ADCY5: variants seen among roughly 807,000 people sequenced by gnomAD.
The protein encoded by ADCY5 is adenylate cyclase type 5.
A neutral mutation model predicts 119.7 loss-of-function variants in ADCY5; 30 were observed. The observed-to-expected ratio is 0.25, with a 90% confidence interval of 0.19 to 0.34. ADCY5 has a LOEUF of 0.34. Ranked by LOEUF, ADCY5 falls within the 10% of genes least tolerant of loss-of-function variation. ADCY5 has a pLI of 1.00. For synonymous variants in ADCY5, 753 were observed against 762.2 expected (o/e 0.99, Z 0.20); for missense variants, 1,324 against 1,775.2 (o/e 0.75, Z 4.57).
chr3:123,345,769 G>GACAGACAGACACACACACACAC (rs57198270), intron 3 of ADCY5, among the ~76,000 whole-genome samples: 130 of 113,822 alleles, frequency 1.1e-3, no homozygotes, highest in East Asian at 9.4e-3. Flanking sequence ...CAGACAGACA[G>GACAGACAGACACACACACACAC]ACACACACAC....
chr3:123,440,582 A>C, intron 1 of ADCY5, among the ~76,000 whole-genome samples: 1 of 149,380 alleles, frequency 6.7e-6, no homozygotes, highest in African/African-American at 2.5e-5. Context: ...TTTAAGGCAC[A>C]CTCCCCTTCC....
rs1321802625 is a variant in ADCY5, at chr3:123,448,659, G to A, written c.-114C>T. 5 of 992,104 alleles carry A rather than the reference G, an allele frequency of 5.0e-6. No homozygotes were observed. The highest frequency in any genetic ancestry group is 5.2e-6 in the Non-Finnish European group (4 of 768,006). The allele number at this position is 992,104 out of a possible 1,614,324, so 61.5% of individuals were successfully genotyped here. ...ACCAGGCTAGGGTCACACGTCGGGG[G>A]CGGCCCGGGGCCCTGCGCTGCAGCG... On this transcript the variant is annotated 5_prime_UTR_variant, in exon 1 of 21. Coordinates refer to ENST00000462833, the MANE Select transcript of ADCY5 (RefSeq NM_183357.3).
At chr3:123,404,751 A>T (rs868528786) in intron 1 of ADCY5, among the ~76,000 whole-genome samples, 1 of 152,180 alleles carries the variant, frequency 6.6e-6, no homozygotes, top group Non-Finnish European at 1.5e-5. Flanking sequence ...GATTAGGTGG[A>T]GCCTGATGGG....
At chr3:123,347,678 C>T in intron 3 of ADCY5, 104 bp downstream of exon 3, 1 of 1,475,696 alleles carries the variant, frequency 6.8e-7, no homozygotes, top group South Asian at 1.2e-5. Flanking sequence ...CCAAAGTCAC[C>T]AAGCCACCCT....
chr3:123,429,624 C>T (rs1945482469), intron 1 of ADCY5, among the ~76,000 whole-genome samples: 1 of 152,084 alleles, frequency 6.6e-6, no homozygotes, highest in Non-Finnish European at 1.5e-5. Flanking sequence ...GACAGAGCAA[C>T]AGAATGACAG....
At chr3:123,296,020 C>T (rs1576533205) in intron 17 of ADCY5, 64 bp downstream of exon 17, 1 of 1,594,066 alleles carries the variant, frequency 6.3e-7, no homozygotes, top group Non-Finnish European at 8.6e-7. Context: ...GCAGACGAGC[C>T]TGTTGTCTCC....
intron 1 of ADCY5, among the ~76,000 whole-genome samples, chr3:123,369,952 G>A (rs1467605059): frequency 6.6e-6 from 1 of 152,202 alleles, no homozygotes; most frequent in Admixed American, 6.5e-5. Flanking sequence ...CAAGGGGGTA[G>A]GAAGGGTGAC....
rs78146321 is a variant in ADCY5, at chr3:123,385,791, A to G, written c.1135-33210T>C. On this transcript the variant is annotated intron_variant, in intron 1 of 20. Coordinates refer to ENST00000462833, the MANE Select transcript of ADCY5 (RefSeq NM_183357.3). The stretch of plus-strand genomic sequence containing the variant: ...GAGCTGCAGAGTTAAAGTAGATACT[A>G]GCTATCAGGATAATTCTCCCATTTT... Among the ~76,000 whole-genome samples, 887 of 152,330 alleles carry G rather than the reference A, an allele frequency of 5.8e-3. 7 individuals carry two copies. Among genetic ancestry groups the G allele is most frequent in the African/African-American group, 0.02 (852 of 41,572 alleles).
chr3:123,299,419 TC>T (rs1327266768), intron 15 of ADCY5, among the ~76,000 whole-genome samples: 1 of 152,244 alleles, frequency 6.6e-6, no homozygotes, highest in Non-Finnish European at 1.5e-5. Flanking sequence ...ATTATGAGGT[TC>T]AGAGGAATAA....
intron 1 of ADCY5, among the ~76,000 whole-genome samples, chr3:123,419,535 T>C (rs945956620): frequency 2.1e-4 from 32 of 152,204 alleles, no homozygotes; most frequent in African/African-American, 6.7e-4. Flanking sequence ...GATCCCCTTT[T>C]ACACTTCGGT....
chr3:123,313,736 C>T (rs917761009), intron 12 of ADCY5, among the ~76,000 whole-genome samples: 2 of 152,224 alleles, frequency 1.3e-5, no homozygotes, highest in Non-Finnish European at 2.9e-5. Flanking sequence ...GCTGCATGAC[C>T]TGCTTGAAAA....
At chr3:123,311,446 C>T (rs530308353) in intron 12 of ADCY5, among the ~76,000 whole-genome samples, 1 of 152,276 alleles carries the variant, frequency 6.6e-6, no homozygotes, top group Admixed American at 6.5e-5. Context: ...GAGGTAGAGC[C>T]AGGGAGACGC....
At chr3:123,401,350 G>A (rs184942924) in intron 1 of ADCY5, among the ~76,000 whole-genome samples, 168 of 152,292 alleles carry the variant, frequency 1.1e-3, no homozygotes, top group African/African-American at 3.0e-3. Flanking sequence ...TGGGGAACCA[G>A]GGACCAGCAG....
At chr3:123,358,441 C>T (rs1943122033) in intron 1 of ADCY5, among the ~76,000 whole-genome samples, 2 of 151,972 alleles carry the variant, frequency 1.3e-5, no homozygotes, top group Non-Finnish European at 2.9e-5. Context: ...CCCATATCTA[C>T]AAAAAATAAA....
Position 123,332,036 on chromosome 3 carries a change from G to A in ADCY5, c.1518+528C>T, listed in dbSNP as rs142070289. ...GTGAATAGGGGCCTAAGGAATGAAC[G>A]TGTCGTTCACCACTCCCGGCCATGG... On this transcript the variant is annotated intron_variant, in intron 4 of 20. Transcript: ENST00000462833. 2.2e-4 allele frequency among the ~76,000 whole-genome samples: 34 copies of A among 152,220 alleles called. No homozygotes were observed. The East Asian group carries it at 5.6e-3, about 25-fold the overall frequency.
In ADCY5 at chr3:123,327,773, G is replaced by A. The variant is rs1941566677; in HGVS notation, c.1806-14C>T. 6.2e-7 allele frequency: 1 copy of A among 1,613,896 alleles called. No individual in the cohort carries two copies. Among genetic ancestry groups the A allele is most frequent in the Admixed American group, 1.7e-5 (1 of 59,998 alleles). On this transcript the variant is annotated splice_polypyrimidine_tract_variant and intron_variant, in intron 6 of 20. Transcript: ENST00000462833. ...ATGTGGATGCGTCTACAGGGGGGCA[G>A]GGATCAGGGTGGAGAGGGCAGAAAA...
chr3:123,327,885 G>A, intron 6 of ADCY5, 126 bp from the exon 7 acceptor site: 2 of 1,150,864 alleles, frequency 1.7e-6, no homozygotes, highest in Non-Finnish European at 2.4e-6. Context: ...CCCAAGCTCT[G>A]CTCAAATCCT....
chr3:123,307,056 A>G (rs1406680569), intron 12 of ADCY5, among the ~76,000 whole-genome samples: 1 of 150,402 alleles, frequency 6.6e-6, no homozygotes, highest in East Asian at 2.0e-4. Flanking sequence ...GACAAAGTAG[A>G]TGAGTGGTTG....
At chr3:123,429,309 C>T (rs1040396573) in intron 1 of ADCY5, among the ~76,000 whole-genome samples, 15 of 152,274 alleles carry the variant, frequency 9.9e-5, no homozygotes, top group African/African-American at 2.9e-4. Context: ...AGTTGCTGTT[C>T]CCAAAGACCG....
Sources: allele counts gnomAD v4.1 joint callset (sites outside exome capture counted in the v4.1 genomes callset), GRCh38; gene constraint gnomAD v4.1.1; transcripts MANE v1.5; gene names NCBI Gene and HGNC (gene_info 2026-07-23, HGNC 2026-07-21).